DAAM1: variants seen among roughly 807,000 people sequenced by gnomAD.
The protein encoded by DAAM1 is disheveled-associated activator of morphogenesis 1.
In DAAM1, 52 loss-of-function variants were observed where a neutral mutation model predicts 130.0. That is an observed-to-expected ratio of 0.40 (90% CI 0.32 to 0.50). The LOEUF is 0.50. Ranked by LOEUF, DAAM1 falls within the 20% of genes least tolerant of loss-of-function variation. The probability of loss-of-function intolerance (pLI) is 0.61; values close to 1 mark genes in which losing one functional copy is unlikely to be tolerated. For synonymous variants in DAAM1, 452 were observed against 444.5 expected (o/e 1.02, Z -0.21); for missense variants, 1,134 against 1,303.8 (o/e 0.87, Z 2.01).
chr14:59,332,308 A>C (rs1395943925), intron 15 of DAAM1, among the ~76,000 whole-genome samples: 46 of 152,244 alleles, frequency 3.0e-4, no homozygotes, highest in Admixed American at 3.0e-3. Flanking sequence ...TTAAAAATAC[A>C]TATCAAATGG....
At chr14:59,283,360 A>G (rs535055204) in intron 2 of DAAM1, among the ~76,000 whole-genome samples, 1 of 152,342 alleles carries the variant, frequency 6.6e-6, no homozygotes, top group Non-Finnish European at 1.5e-5. Flanking sequence ...ATTACTTCAC[A>G]TATATAATAG....
At chr14:59,309,381 A>G (rs1257052576) in intron 3 of DAAM1, among the ~76,000 whole-genome samples, 2 of 152,218 alleles carry the variant, frequency 1.3e-5, no homozygotes, top group African/African-American at 2.4e-5. Flanking sequence ...GCAAATTCCA[A>G]ACACTTTATG....
At position 59,347,555 on chromosome 14, in the gene DAAM1, G is replaced by A. The variant is rs1886131008; in HGVS notation, c.2092G>A (p.Asp698Asn). Residue 698 changes from aspartate (D) to asparagine (N), a missense_variant, in exon 17 of 25, where the codon GAC (aspartate) becomes AAC (asparagine). By Grantham distance (23) the Asp-to-Asn change is conservative. Transcript: ENST00000360909. ...TTTCTCCAGGTTGAAATTATCCAAT[G>A]ACGAAATCAAACGGGCAATTCTAAC... The part of the protein sequence containing the change: ...ILLSRLKLSN[D>N]EIKRAILTMD... 6.2e-7 allele frequency: 1 copy of A among 1,613,624 alleles called. No homozygotes were observed. The highest frequency in any genetic ancestry group is 1.3e-5 in the African/African-American group (1 of 74,912).
chr14:59,221,299 GA>G (rs533245397), intron 1 of DAAM1, among the ~76,000 whole-genome samples: 196 of 152,310 alleles, frequency 1.3e-3, no homozygotes, highest in African/African-American at 4.5e-3. Context: ...AATAAGAGAG[GA>G]AGGAAAACAA....
At position 59,360,854 on chromosome 14, in the gene DAAM1, G is replaced by C; in HGVS notation, c.2686G>C (p.Val896Leu). 1 of 1,613,658 alleles carries C rather than the reference G, an allele frequency of 6.2e-7. No individual in the cohort carries two copies. Among genetic ancestry groups the C allele is most frequent in the Non-Finnish European group, 8.5e-7 (1 of 1,179,872 alleles). Reference sequence around the variant, plus strand: ...TACCTTGAGAAGTGGCTTGAAAGCAGTAGAGACAGTGAGTATTTTTTTGTT... The same window carrying C: ...TACCTTGAGAAGTGGCTTGAAAGCACTAGAGACAGTGAGTATTTTTTTGTT... ...ISTLRSGLKA[V>L]ETELEYQKSQ... The change falls in exon 22 of 25, where the codon GTA (valine) becomes CTA (leucine). Residue 896 changes from valine to leucine, a missense_variant. Physicochemically the swap from Val to Leu is conservative, Grantham distance 32 (BLOSUM62 1). This residue lies in a region of DAAM1 where 644 missense variants were observed against 695.9 expected (regional missense o/e 0.93). Transcript: ENST00000360909.
intron 15 of DAAM1, among the ~76,000 whole-genome samples, chr14:59,339,421 AAAT>A (rs1429593325): frequency 1.3e-5 from 2 of 152,158 alleles, no homozygotes; most frequent in African/African-American, 4.8e-5. Flanking sequence ...GTTCCACCTG[AAAT>A]TATAACTGGC....
At chr14:59,211,118 G>A (rs560584122) in intron 1 of DAAM1, among the ~76,000 whole-genome samples, 50 of 152,212 alleles carry the variant, frequency 3.3e-4, no homozygotes, top group African/African-American at 5.5e-4. Flanking sequence ...GTTTGGTAAA[G>A]CACTTTAGGT....
intron 3 of DAAM1, among the ~76,000 whole-genome samples, chr14:59,309,761 T>C (rs979184742): frequency 6.6e-6 from 1 of 152,208 alleles, no homozygotes; most frequent in African/African-American, 2.4e-5. Context: ...GTAGCCATCT[T>C]CGAGAAGATG....
chr14:59,227,122 C>T (rs915966057), intron 1 of DAAM1, among the ~76,000 whole-genome samples: 2 of 152,168 alleles, frequency 1.3e-5, no homozygotes, highest in African/African-American at 4.8e-5. Flanking sequence ...ATATGGTATA[C>T]CTTTAAAGTG....
At chr14:59,238,874 C>T (rs1273237919) in intron 1 of DAAM1, among the ~76,000 whole-genome samples, 1 of 152,104 alleles carries the variant, frequency 6.6e-6, no homozygotes, top group Non-Finnish European at 1.5e-5. Context: ...GAATGGTATT[C>T]TTGCATCAGA....
chr14:59,268,193 G>A (rs1050514381), intron 2 of DAAM1, among the ~76,000 whole-genome samples: 2 of 152,084 alleles, frequency 1.3e-5, no homozygotes, highest in African/African-American at 4.8e-5. Flanking sequence ...GAGTCACCGC[G>A]CCCGGCGCCT....
intron 1 of DAAM1, among the ~76,000 whole-genome samples, chr14:59,226,504 G>A (rs1056292857): frequency 6.6e-6 from 1 of 152,104 alleles, no homozygotes; most frequent in Non-Finnish European, 1.5e-5. Context: ...CACATCTTAG[G>A]TCTGCTCAGC....
chr14:59,369,598 A>G lies in DAAM1; in HGVS notation c.*739A>G, dbSNP rs1008241970. On this transcript the variant is annotated 3_prime_UTR_variant, in exon 25 of 25. Transcript: ENST00000360909. ...CTTGATAATTTCTTCAGATTTTTGGAAAAAAACACTATATAAATGCAATCC... is the reference window on the plus strand; with the variant it reads ...CTTGATAATTTCTTCAGATTTTTGGGAAAAAACACTATATAAATGCAATCC... 1.3e-4 allele frequency: 19 copies of G among 149,064 alleles called. No homozygotes were observed. Among genetic ancestry groups the G allele is most frequent in the African/African-American group, 3.6e-4 (15 of 41,186 alleles). The allele number at this position is 149,064 out of a possible 1,614,324, so 9.2% of individuals were successfully genotyped here.
intron 1 of DAAM1, among the ~76,000 whole-genome samples, chr14:59,258,077 C>G (rs547606788): frequency 1.3e-5 from 2 of 152,236 alleles, no homozygotes; most frequent in South Asian, 4.2e-4. Context: ...TGATTTTTTT[C>G]CTGCCTTCCC....
intron 2 of DAAM1, among the ~76,000 whole-genome samples, chr14:59,273,189 A>C (rs1003436733): frequency 6.6e-6 from 1 of 152,222 alleles, no homozygotes; most frequent in African/African-American, 2.4e-5. Flanking sequence ...AAAGCTTAAG[A>C]TACGACCATA....
intron 23 of DAAM1, among the ~76,000 whole-genome samples, chr14:59,367,202 C>A (rs940054945): frequency 6.6e-6 from 1 of 152,014 alleles, no homozygotes; most frequent in East Asian, 1.9e-4. Flanking sequence ...GCTGGAGAAT[C>A]GCTTGAACCC....
chr14:59,311,694 A>T (rs1209052441), intron 3 of DAAM1, among the ~76,000 whole-genome samples: 1 of 152,068 alleles, frequency 6.6e-6, no homozygotes, highest in Admixed American at 6.6e-5. Flanking sequence ...ATTCTGAAGC[A>T]TTCTCTCCCC....
chr14:59,199,550 C>T (rs1483561735), intron 1 of DAAM1, among the ~76,000 whole-genome samples: 3 of 152,164 alleles, frequency 2.0e-5, no homozygotes. Context: ...CAGACCTTAC[C>T]ACACTCTAGT....
At chr14:59,243,602 C>T (rs1381157424) in intron 1 of DAAM1, among the ~76,000 whole-genome samples, 2 of 152,126 alleles carry the variant, frequency 1.3e-5, no homozygotes, top group African/African-American at 4.8e-5. Flanking sequence ...TCTCTGATCC[C>T]TCAATTCAAC....
Sources: allele counts gnomAD v4.1 joint callset (sites outside exome capture counted in the v4.1 genomes callset), GRCh38; gene constraint gnomAD v4.1.1; regional missense constraint gnomAD v4.1.1; transcripts MANE v1.5; gene names NCBI Gene and HGNC (gene_info 2026-07-23, HGNC 2026-07-21).